Variants in RAB27B observed in about 807,000 individuals in gnomAD.
RAB27B encodes the protein ras-related protein Rab-27B.
In RAB27B, 15 loss-of-function variants were observed where a neutral mutation model predicts 24.6. The ratio of observed to expected loss-of-function variants is 0.61; its 90% CI spans 0.41 to 0.94. The LOEUF is 0.94. RAB27B is among the 40% of genes least tolerant of loss of function. RAB27B has a pLI of 0.00. For missense variants in RAB27B, 261 were observed against 266.8 expected (o/e 0.98, Z 0.15); for synonymous variants, 105 against 92.5 (o/e 1.14, Z -0.78).
intron 2 of RAB27B, among the ~76,000 whole-genome samples, chr18:54,734,005 A>G (rs1909811850): frequency 6.6e-6 from 1 of 152,226 alleles, no homozygotes; most frequent in African/African-American, 2.4e-5. Context: ...ATTTAAGTTT[A>G]CAAAAGCATA....
chr18:54,814,697 A>G (rs1055333001), intron 2 of RAB27B, among the ~76,000 whole-genome samples: 4 of 152,232 alleles, frequency 2.6e-5, no homozygotes, highest in African/African-American at 9.6e-5. Context: ...AATGGGATTA[A>G]TAGAATAACA....
intron 1 of RAB27B, among the ~76,000 whole-genome samples, chr18:54,867,594 G>C (rs1404062593): frequency 2.6e-5 from 4 of 151,748 alleles, no homozygotes; most frequent in African/African-American, 9.7e-5. Context: ...TTACAGGCGC[G>C]TGCCACCAGA....
At chr18:54,756,355 A>G (rs961126860) in intron 2 of RAB27B, among the ~76,000 whole-genome samples, 9 of 152,164 alleles carry the variant, frequency 5.9e-5, no homozygotes, top group Non-Finnish European at 8.8e-5. Context: ...TCTATTCCAC[A>G]TTGTACTTAA....
At chr18:54,813,215 T>C (rs752458026) in intron 2 of RAB27B, among the ~76,000 whole-genome samples, 3 of 152,214 alleles carry the variant, frequency 2.0e-5, no homozygotes, top group African/African-American at 7.2e-5. Flanking sequence ...TCTTACCTTC[T>C]TCTATTGCCT....
intron 2 of RAB27B, among the ~76,000 whole-genome samples, chr18:54,811,021 T>C (rs1909947104): frequency 6.6e-6 from 1 of 152,084 alleles, no homozygotes; most frequent in Non-Finnish European, 1.5e-5. Flanking sequence ...CGATAAATGT[T>C]ACCTGAAACG....
At chr18:54,804,561 G>A (rs1428366285) in intron 2 of RAB27B, among the ~76,000 whole-genome samples, 1 of 152,210 alleles carries the variant, frequency 6.6e-6, no homozygotes, top group African/African-American at 2.4e-5. Flanking sequence ...TATCAGCAGT[G>A]TGAAAACAGA....
intron 2 of RAB27B, among the ~76,000 whole-genome samples, chr18:54,781,015 G>A (rs141574090): frequency 6.6e-6 from 1 of 152,256 alleles, no homozygotes; most frequent in African/African-American, 2.4e-5. Context: ...ATCATGCTGG[G>A]CATGCACAGT....
In RAB27B at chr18:54,731,071, G is replaced by A. The variant is rs1025061442; in HGVS notation, c.-20+12930G>A. The stretch of plus-strand genomic sequence containing the variant: ...GAATAAATTCATATCACTAAATAAG[G>A]GATAGGTATAATACACAAATGTCTA... On this transcript the variant is annotated intron_variant, in intron 2 of 4. Coordinates refer to the RAB27B transcript ENST00000586570. 2.6e-5 allele frequency among the ~76,000 whole-genome samples: 4 copies of A among 152,148 alleles called. No individual in the cohort carries two copies. In the East Asian group the frequency reaches 7.7e-4, roughly 29 times the overall value.
intron 1 of RAB27B, among the ~76,000 whole-genome samples, chr18:54,837,123 A>G (rs1910926016): frequency 6.6e-6 from 1 of 152,066 alleles, no homozygotes; most frequent in South Asian, 2.1e-4. Context: ...AGAGAGTTAC[A>G]TGAGCAGATA....
At chr18:54,798,016 A>T (rs545672975) in intron 2 of RAB27B, among the ~76,000 whole-genome samples, 37 of 151,290 alleles carry the variant, frequency 2.4e-4, no homozygotes, top group African/African-American at 7.8e-4. Context: ...GAATATTGAT[A>T]TTTTTTTTTC....
At chr18:54,854,485 A>G (rs1397361480) in intron 1 of RAB27B, among the ~76,000 whole-genome samples, 2 of 152,240 alleles carry the variant, frequency 1.3e-5, no homozygotes, top group Non-Finnish European at 2.9e-5. Flanking sequence ...CTGCAAATCA[A>G]TGAAAGGCTT....
chr18:54,807,760 A>G (rs1909837718), intron 2 of RAB27B, among the ~76,000 whole-genome samples: 1 of 152,190 alleles, frequency 6.6e-6, no homozygotes, highest in Non-Finnish European at 1.5e-5. Context: ...TGACATGTGT[A>G]GGTAAATTCT....
At position 54,832,974 on chromosome 18, in the gene RAB27B, C is replaced by T. The variant is rs575388764; in HGVS notation, c.-20+4274C>T. Among the ~76,000 whole-genome samples, 19 of 152,144 alleles carry T rather than the reference C, an allele frequency of 1.2e-4. No individual in the cohort carries two copies. In the East Asian group the frequency reaches 1.5e-3, roughly 12 times the overall value. ...GCCCCCAGAAAAACTCATGAGGCTACGTACATAGAAGCTCTAATAAATTCA... is the reference window on the plus strand; with the variant it reads ...GCCCCCAGAAAAACTCATGAGGCTATGTACATAGAAGCTCTAATAAATTCA... On this transcript the variant is annotated intron_variant, in intron 1 of 5. Coordinates refer to ENST00000262094, the MANE Select transcript of RAB27B (RefSeq NM_004163.4).
chr18:54,890,898 A>G lies in RAB27B; in HGVS notation c.*1485A>G, dbSNP rs1913340001. ...TAAACTAACATTACATTAATTTTTA[A>G]TCTTAGTTTCTGATAAACACAAGCC... On this transcript the variant is annotated 3_prime_UTR_variant, in exon 6 of 6. Transcript: ENST00000262094. 1 of 152,018 alleles carries G rather than the reference A, an allele frequency of 6.6e-6. No individual in the cohort carries two copies. Among genetic ancestry groups the G allele is most frequent in the Non-Finnish European group, 1.5e-5 (1 of 67,988 alleles). The allele number at this position is 152,018 out of a possible 1,614,324, so 9.4% of individuals were successfully genotyped here.
intron 2 of RAB27B, among the ~76,000 whole-genome samples, chr18:54,758,056 A>T (rs922389016): frequency 6.6e-6 from 1 of 152,068 alleles, no homozygotes; most frequent in Admixed American, 6.6e-5. Context: ...TCTGTTGAGT[A>T]TTAGGTGTAA....
intron 1 of RAB27B, among the ~76,000 whole-genome samples, chr18:54,838,513 GT>G (rs1568089385): frequency 6.6e-6 from 1 of 152,068 alleles, no homozygotes; most frequent in African/African-American, 2.4e-5. Flanking sequence ...TTAATAATTA[GT>G]ACGAGAACAT....
In RAB27B at chr18:54,874,421, C is replaced by A. The variant is rs528395745; in HGVS notation, c.-19-3146C>A. ...TATTTCACTTTTAAGTAATTCAGAC[C>A]TTGTCAGAAGCTAGACTAGAACTTC... On this transcript the variant is annotated intron_variant, in intron 1 of 5. Coordinates refer to ENST00000262094, the MANE Select transcript of RAB27B (RefSeq NM_004163.4). 3.1e-4 allele frequency among the ~76,000 whole-genome samples: 47 copies of A among 152,168 alleles called. 1 individual carries two copies. In the South Asian group the frequency reaches 9.1e-3, roughly 30 times the overall value.
At chr18:54,888,195 A>G in intron 5 of RAB27B, 77 bp downstream of exon 5, 1 of 1,504,462 alleles carries the variant, frequency 6.6e-7, no homozygotes, top group South Asian at 1.3e-5. Context: ...TTAGATTGAT[A>G]TTAGAAGAAA....
Position 54,893,806 on chromosome 18 carries a change from AG to A in RAB27B, c.*4394del, listed in dbSNP as rs1189903141. The A allele has an allele frequency of 1.3e-5, 2 of 151,970 alleles. No homozygotes were observed. Among genetic ancestry groups the A allele is most frequent in the Non-Finnish European group, 2.9e-5 (2 of 67,912 alleles). 9.4% of individuals were successfully genotyped at this position (151,970 alleles called of 1,614,324 possible). On this transcript the variant is annotated 3_prime_UTR_variant, in exon 6 of 6. Coordinates refer to ENST00000262094, the MANE Select transcript of RAB27B (RefSeq NM_004163.4). ...AACTATAAAGATAATTAGAGTTAAA[AG>A]TTGTTTAAATTGTGCCCTTAAATAC...
Sources: allele counts gnomAD v4.1 joint callset (sites outside exome capture counted in the v4.1 genomes callset), GRCh38; gene constraint gnomAD v4.1.1; transcripts MANE v1.5; gene names NCBI Gene and HGNC (gene_info 2026-07-23, HGNC 2026-07-21).